The following STARD13 variants were observed in gnomAD, a reference collection of about 807,000 sequenced individuals.
STARD13 encodes the protein StAR related lipid transfer domain containing 13, also known as stAR-related lipid transfer protein 13.
A neutral mutation model predicts 106.4 loss-of-function variants in STARD13; 62 were observed. The ratio of observed to expected loss-of-function variants is 0.58; its 90% CI spans 0.48 to 0.72. STARD13 has a LOEUF of 0.72. Ranked by LOEUF, STARD13 falls within the 30% of genes least tolerant of loss-of-function variation. The pLI, the probability that STARD13 is intolerant of heterozygous loss-of-function variation, is 0.00. For synonymous variants in STARD13, 565 were observed against 553.0 expected (o/e 1.02, Z -0.31); for missense variants, 1,387 against 1,424.0 (o/e 0.97, Z 0.42).
chr13:33,520,499 T>C, the STARD13 span, among the ~76,000 whole-genome samples: 1 of 152,122 alleles, frequency 6.6e-6, no homozygotes, highest in South Asian at 2.1e-4. Context: ...TAAAGTACTG[T>C]GTTTTATACT....
intron 1 of STARD13, chr13:33,185,975 A>AGGG (rs757518350): frequency 3.7e-6 from 6 of 1,614,238 alleles, no homozygotes; most frequent in Non-Finnish European, 5.1e-6. Context: ...AGCACCACAA[A>AGGG]GGGGCCTGGT....
intron 1 of STARD13, among the ~76,000 whole-genome samples, chr13:33,207,108 C>T (rs1192372435): frequency 6.6e-6 from 1 of 152,158 alleles, no homozygotes; most frequent in African/African-American, 2.4e-5. Context: ...TGATACCAAA[C>T]TACCACTGCC....
At chr13:33,334,724 C>T (rs1046223377) in intron 1 of STARD13, among the ~76,000 whole-genome samples, 28 of 152,114 alleles carry the variant, frequency 1.8e-4, no homozygotes, top group Admixed American at 1.3e-3. Context: ...GGAAAACATT[C>T]CATGGCATAA....
At chr13:33,321,889 A>G (rs1278324264) in intron 1 of STARD13, among the ~76,000 whole-genome samples, 3 of 152,204 alleles carry the variant, frequency 2.0e-5, no homozygotes, top group Admixed American at 6.5e-5. Context: ...CAGAGCATTC[A>G]TGCGTAATTT....
chr13:33,395,324 C>G, the STARD13 span, among the ~76,000 whole-genome samples: 2 of 152,162 alleles, frequency 1.3e-5, no homozygotes, highest in Non-Finnish European at 2.9e-5. Flanking sequence ...TCAGAGTGGT[C>G]TGAAAAATGT....
chr13:33,138,046 T>G (rs527813075), intron 4 of STARD13, among the ~76,000 whole-genome samples: 4 of 152,378 alleles, frequency 2.6e-5, no homozygotes, highest in African/African-American at 9.6e-5. Context: ...CTGTGTTGCT[T>G]TCCACCTTTG....
At chr13:33,675,126 C>G in the STARD13 span, among the ~76,000 whole-genome samples, 1 of 152,112 alleles carries the variant, frequency 6.6e-6, no homozygotes, top group African/African-American at 2.4e-5. Flanking sequence ...CCAAGATTAG[C>G]AAGAAACAGA....
chr13:33,262,655 C>A (rs947352872), intron 1 of STARD13, among the ~76,000 whole-genome samples: 70 of 110,440 alleles, frequency 6.3e-4, no homozygotes, highest in Non-Finnish European at 3.1e-4. Context: ...CCCCCACACA[C>A]ACACACAACA....
the STARD13 span, among the ~76,000 whole-genome samples, chr13:33,646,481 T>G: frequency 6.6e-6 from 1 of 152,140 alleles, no homozygotes; most frequent in Non-Finnish European, 1.5e-5. Flanking sequence ...TTCCCACACA[T>G]CATGGCTGTC....
At chr13:33,434,079 G>T in the STARD13 span, among the ~76,000 whole-genome samples, 13 of 152,106 alleles carry the variant, frequency 8.5e-5, no homozygotes, top group Admixed American at 6.5e-4. Context: ...GAGGCCAGGC[G>T]CTGTGGCTCA....
At chr13:33,492,605 C>T in the STARD13 span, among the ~76,000 whole-genome samples, 17 of 152,350 alleles carry the variant, frequency 1.1e-4, no homozygotes, top group East Asian at 5.8e-4. Flanking sequence ...ACACTTCCAT[C>T]AGGGCCATGA....
chr13:33,533,922 G>T, the STARD13 span, among the ~76,000 whole-genome samples: 8 of 152,204 alleles, frequency 5.3e-5, no homozygotes, highest in African/African-American at 1.9e-4. Flanking sequence ...ACATGAATGT[G>T]TCTCTTTTCT....
chr13:33,319,596 T>C (rs1893477626), intron 1 of STARD13, among the ~76,000 whole-genome samples: 1 of 152,244 alleles, frequency 6.6e-6, no homozygotes, highest in Non-Finnish European at 1.5e-5. Flanking sequence ...TTATCTCCTG[T>C]AAAGCTAGAG....
intron 1 of STARD13, among the ~76,000 whole-genome samples, chr13:33,198,163 G>T (rs190547410): frequency 6.6e-6 from 1 of 152,168 alleles, no homozygotes; most frequent in African/African-American, 2.4e-5. Flanking sequence ...GTGAGACTCC[G>T]TCTCAAAAAA....
At chr13:33,355,612 A>T (rs555153421), upstream of STARD13, 1 of 152,212 alleles carries the variant, frequency 6.6e-6, no homozygotes, top group South Asian at 2.1e-4. Context: ...CCCAGGAGAG[A>T]TGGGATGTAG....
At chr13:33,205,363 A>C (rs143002695) in intron 1 of STARD13, among the ~76,000 whole-genome samples, 7 of 152,350 alleles carry the variant, frequency 4.6e-5, no homozygotes, top group Middle Eastern at 3.4e-3. Flanking sequence ...TCATATTCAT[A>C]GCTATTTAAG....
chr13:33,465,331 G>C, the STARD13 span, among the ~76,000 whole-genome samples: 1 of 148,986 alleles, frequency 6.7e-6, no homozygotes, highest in South Asian at 2.1e-4. Flanking sequence ...TCAGCCTCCC[G>C]AGTAGCTGGG....
At chr13:33,506,301 G>T in the STARD13 span, among the ~76,000 whole-genome samples, 1 of 152,062 alleles carries the variant, frequency 6.6e-6, no homozygotes, top group Admixed American at 6.6e-5. Flanking sequence ...TTTTGTGAAG[G>T]ACCATTTTTC....
At chr13:33,171,976 G>A (rs892572500) in intron 1 of STARD13, among the ~76,000 whole-genome samples, 23 of 152,172 alleles carry the variant, frequency 1.5e-4, no homozygotes, top group African/African-American at 5.1e-4. Flanking sequence ...CAAAGGCACC[G>A]TGGAAACAAA....
Sources: gnomAD v4.1 joint callset for allele counts (sites outside exome capture counted in the v4.1 genomes callset) on GRCh38, gnomAD v4.1.1 for gene constraint, MANE v1.5 for transcripts, NCBI Gene and HGNC (gene_info 2026-07-23, HGNC 2026-07-21) for gene names.